The following FRYL variants were observed in gnomAD, a reference collection of about 807,000 sequenced individuals.
FRYL encodes the protein protein furry homolog-like.
FRYL carries 150 observed loss-of-function variants against 351.2 expected under a neutral mutation model. The observed-to-expected ratio is 0.43, with a 90% CI of 0.37 to 0.49. The LOEUF is 0.49. Among genes scored for constraint, FRYL ranks in the 20% least tolerant of loss-of-function variants. The pLI, the probability that FRYL is intolerant of heterozygous loss-of-function variation, is 0.00. For synonymous variants in FRYL, 1,153 were observed against 1,257.1 expected (o/e 0.92, Z 1.75); for missense variants, 3,036 against 3,619.3 (o/e 0.84, Z 4.13).
chr4:48,515,009 T>C lies in FRYL; in HGVS notation c.7937+19A>G. 6.2e-7 allele frequency: 1 copy of C among 1,604,040 alleles called. No homozygotes were observed. The highest frequency in any genetic ancestry group is 1.7e-4 in the Middle Eastern group (1 of 5,996). ...GAGATTATCCCCTCACTACAGTGTT[T>C]ATGATACTGTATTCTCACCTAGACA... On this transcript the variant is annotated intron_variant, in intron 56 of 63. Coordinates refer to ENST00000358350, the MANE Select transcript of FRYL (RefSeq NM_015030.2).
Position 48,620,653 on chromosome 4 carries a change from G to GAAT in FRYL, c.299_300insATT (p.Ser100delinsArgPhe). The stretch of plus-strand genomic sequence containing the variant: ...AAAGCACTTACCCCTTAGACTTTGT[G>GAAT]CTAGACCGAGGCCTATATTCATAAG... On this transcript the variant is annotated protein_altering_variant, in exon 6 of 64. Coordinates refer to ENST00000358350, the MANE Select transcript of FRYL (RefSeq NM_015030.2). 6.2e-7 allele frequency: 1 copy of GAAT among 1,613,536 alleles called. No homozygotes were observed. Among genetic ancestry groups the GAAT allele is most frequent in the Non-Finnish European group, 8.5e-7 (1 of 1,179,568 alleles).
chr4:48,613,472 C>T (rs1458764747), intron 7 of FRYL, among the ~76,000 whole-genome samples: 1 of 152,206 alleles, frequency 6.6e-6, no homozygotes, highest in African/African-American at 2.4e-5. Context: ...CTAACGACAA[C>T]ACTCAGCCAT....
rs1202996547 is a variant in FRYL, at chr4:48,546,360, A to C, written c.5075-89T>G. 6 of 997,494 alleles carry C rather than the reference A, an allele frequency of 6.0e-6. No individual in the cohort carries two copies. The African/African-American group carries it at 8.1e-5, about 13-fold the overall frequency. The allele number at this position is 997,494 out of a possible 1,614,324, so 61.8% of individuals were successfully genotyped here. Reference sequence around the variant, plus strand: ...ATTAAACTGTTGTTCCTTAGACTCTATGGGACACATGAGGCAATCTGTCAG... The same window carrying C: ...ATTAAACTGTTGTTCCTTAGACTCTCTGGGACACATGAGGCAATCTGTCAG... On this transcript the variant is annotated intron_variant, in intron 41 of 63. Transcript: ENST00000358350.
In FRYL at chr4:48,549,380, C is replaced by T; in HGVS notation, c.4784+93G>A. The T allele has an allele frequency of 2.6e-6, 3 of 1,156,216 alleles. No homozygotes were observed. The highest frequency in any genetic ancestry group is 3.6e-6 in the Non-Finnish European group (3 of 832,376). The allele number at this position is 1,156,216 out of a possible 1,614,324, so 71.6% of individuals were successfully genotyped here. A position where few individuals can be genotyped will look rare whatever the true frequency, so the allele number is the denominator to read the frequency against. ...TGCAGTATCTCCATAAAGAAGATTG[C>T]TTTCATTCTGTGTTGTCAGATAGCA... On this transcript the variant is annotated intron_variant, in intron 39 of 63. Transcript: ENST00000358350. The surrounding 1 kb of genome is among the most constrained non-coding windows in gnomAD (Gnocchi z 4.2).
chr4:48,690,555 A>C (rs1466208445), intron 2 of FRYL, among the ~76,000 whole-genome samples: 2 of 152,200 alleles, frequency 1.3e-5, no homozygotes, highest in Non-Finnish European at 2.9e-5. Flanking sequence ...CACGAGAAAC[A>C]CACAATAAAT....
intron 44 of FRYL, among the ~76,000 whole-genome samples, chr4:48,542,708 G>A (rs559699722): frequency 4.1e-4 from 63 of 152,284 alleles, no homozygotes; most frequent in Admixed American, 8.5e-4. Context: ...GAGCCACAGT[G>A]CCTGGCTGAA....
intron 1 of FRYL, among the ~76,000 whole-genome samples, chr4:48,740,183 GA>G (rs1411570828): frequency 6.8e-6 from 1 of 147,784 alleles, no homozygotes; most frequent in Non-Finnish European, 1.5e-5. Context: ...AGACTGAAAA[GA>G]AAAGTCACAG....
rs750930590 is a variant in FRYL, at chr4:48,523,104, C to T, written c.7318G>A (p.Gly2440Ser). Residue 2440 changes from glycine to serine, a missense_variant and splice_region_variant, in exon 54 of 64, where the codon GGT (glycine) becomes AGT (serine). Physicochemically the swap from Gly to Ser is moderately conservative, Grantham distance 56. Coordinates refer to ENST00000358350, the MANE Select transcript of FRYL (RefSeq NM_015030.2). ...CAGTTGAAATTGTCCATACTTTCAC[C>T]CTGGAAAAGCAAGACACGATTTCTA... ...FLDVELEDAE[G>S]ESMDNFNWGV... 5.0e-6 allele frequency: 8 copies of T among 1,610,354 alleles called. No homozygotes were observed. The East Asian group carries it at 1.3e-4, about 27-fold the overall frequency.
chr4:48,510,758 T>G, intron 58 of FRYL, 77 bp downstream of exon 58: 1 of 1,132,486 alleles, frequency 8.8e-7, no homozygotes, highest in East Asian at 2.4e-5. Flanking sequence ...AAATTCAGAA[T>G]TACTTAGAAA....
At chr4:48,693,346 G>A (rs1765844044) in intron 2 of FRYL, among the ~76,000 whole-genome samples, 2 of 152,068 alleles carry the variant, frequency 1.3e-5, no homozygotes, top group South Asian at 4.1e-4. Context: ...AATGCATACT[G>A]AAGTATTTAC....
intron 3 of FRYL, among the ~76,000 whole-genome samples, chr4:48,645,313 T>C (rs892790119): frequency 6.6e-6 from 1 of 151,792 alleles, no homozygotes; most frequent in Non-Finnish European, 1.5e-5. Context: ...TTCTGGCCCC[T>C]AGAACAGGGC....
Position 48,546,090 on chromosome 4 carries a change from G to A in FRYL, c.5256C>T (p.Thr1752=). Residue 1752 remains threonine, a synonymous_variant, in exon 42 of 64, where the codon ACC becomes ACT. Transcript: ENST00000358350. ...ACCTTGAGGTAATGAATTCCATGAG[G>A]GTTTTGACTTTTCCATCCTGCTCCA... The part of the protein sequence containing the change: ...ISVEQDGKVK[T]LMEFITSRKR... The A allele has an allele frequency of 6.2e-7, 1 of 1,613,394 alleles. No homozygotes were observed. Among genetic ancestry groups the A allele is most frequent in the African/African-American group, 1.3e-5 (1 of 75,028 alleles).
chr4:48,724,321 C>A (rs1337774529), intron 1 of FRYL, among the ~76,000 whole-genome samples: 1 of 152,084 alleles, frequency 6.6e-6, no homozygotes, highest in African/African-American at 2.4e-5. Flanking sequence ...AAACTCAAGT[C>A]TATTTCCATG....
At chr4:48,620,984 G>A (rs1266801903) in intron 5 of FRYL, among the ~76,000 whole-genome samples, 2 of 152,140 alleles carry the variant, frequency 1.3e-5, no homozygotes, top group East Asian at 1.9e-4. Context: ...CCAAATCCAC[G>A]TGGTTTAGCT....
At chr4:48,632,081 A>T (rs1196968362) in intron 4 of FRYL, among the ~76,000 whole-genome samples, 15 of 32,708 alleles carry the variant, frequency 4.6e-4, no homozygotes, top group Non-Finnish European at 9.7e-4. Context: ...AAAAAAAAAA[A>T]AAAAAAAAAA....
chr4:48,681,064 C>A, intron 3 of FRYL: 1 of 1,282,346 alleles, frequency 7.8e-7, no homozygotes, highest in Non-Finnish European at 1.0e-6. Flanking sequence ...TTCCTCAGTA[C>A]TAGTATCCAA....
intron 3 of FRYL, among the ~76,000 whole-genome samples, chr4:48,641,776 A>G (rs556783090): frequency 2.6e-5 from 4 of 152,186 alleles, no homozygotes; most frequent in Non-Finnish European, 5.9e-5. Context: ...TAAAGGTCCA[A>G]ATTCTTATCA....
chr4:48,575,110 T>C lies in FRYL; in HGVS notation c.2846+7A>G, dbSNP rs1739317923. The C allele has an allele frequency of 6.2e-7, 1 of 1,612,670 alleles. No homozygotes were observed. Among genetic ancestry groups the C allele is most frequent in the Non-Finnish European group, 8.5e-7 (1 of 1,178,952 alleles). On this transcript the variant is annotated splice_region_variant and intron_variant, in intron 25 of 63. Transcript: ENST00000358350. ...AGGACATAGAAAAAATGTACGAACA[T>C]AGTTACCTAAAAGCTCCTGGGTTGG...
At chr4:48,553,464 G>A (rs1733344355) in intron 35 of FRYL, 81 bp from the exon 36 acceptor site, 2 of 973,020 alleles carry the variant, frequency 2.1e-6, no homozygotes, top group African/African-American at 3.3e-5. Context: ...CTTTATCAGA[G>A]TAAGTTCAAC....
Sources: gnomAD v4.1 joint callset for allele counts (sites outside exome capture counted in the v4.1 genomes callset) on GRCh38, gnomAD v4.1.1 for gene constraint, Gnocchi (gnomAD v3.1) non-coding constraint, MANE v1.5 for transcripts, NCBI Gene and HGNC (gene_info 2026-07-23, HGNC 2026-07-21) for gene names.